The following TUSC3 variants were observed in gnomAD, a reference collection of about 807,000 sequenced individuals.
TUSC3 encodes the protein dolichyl-diphosphooligosaccharide--protein glycosyltransferase subunit TUSC3.
In TUSC3, 45 loss-of-function variants were observed where a neutral mutation model predicts 44.8. That is an observed-to-expected ratio of 1.00 (90% CI 0.79 to 1.29). The LOEUF is 1.29. TUSC3 is among the 50% of genes most tolerant of loss of function. The pLI, the probability that TUSC3 is intolerant of heterozygous loss-of-function variation, is 0.00. For missense variants in TUSC3, 519 were observed against 437.9 expected, an observed-to-expected ratio of 1.19 and a Z score of -1.65; for synonymous variants, 212 against 152.9, an observed-to-expected ratio of 1.39 and a Z score of -2.85.
chr8:15,759,835 TATC>T (rs1411318017), intron 10 of TUSC3, among the ~76,000 whole-genome samples: 1 of 152,166 alleles, frequency 6.6e-6, no homozygotes, highest in Admixed American at 6.6e-5. Context: ...AAAAAATCAT[TATC>T]ATCTGCCTCC....
At chr8:15,696,818 G>A (rs1252954152) in intron 6 of TUSC3, among the ~76,000 whole-genome samples, 1 of 152,176 alleles carries the variant, frequency 6.6e-6, no homozygotes, top group Non-Finnish European at 1.5e-5. Flanking sequence ...GAATGATTTA[G>A]GGAGGGTTCC....
chr8:15,487,418 C>T (rs926689963), intron 2 of TUSC3, among the ~76,000 whole-genome samples: 2 of 152,104 alleles, frequency 1.3e-5, no homozygotes, highest in African/African-American at 4.8e-5. Context: ...TTCTAGCATC[C>T]AATTCCGTAG....
intron 2 of TUSC3, among the ~76,000 whole-genome samples, chr8:15,495,866 G>C (rs1415425040): frequency 6.6e-6 from 1 of 152,122 alleles, no homozygotes; most frequent in African/African-American, 2.4e-5. Flanking sequence ...AAATGGAGTA[G>C]TATCCTTGTT....
chr8:15,812,761 A>C, the TUSC3 span, among the ~76,000 whole-genome samples: 1 of 152,048 alleles, frequency 6.6e-6, no homozygotes, highest in Non-Finnish European at 1.5e-5. Context: ...CCAATAGCTC[A>C]CGGAATGTAA....
intron 1 of TUSC3, among the ~76,000 whole-genome samples, chr8:15,590,594 G>A (rs779128406): frequency 2.6e-5 from 4 of 151,848 alleles, no homozygotes; most frequent in Non-Finnish European, 4.4e-5. Context: ...CTGCCATGTT[G>A]CTCTATGTGG....
At chr8:15,590,102 AATTGT>A (rs1410422443) in intron 1 of TUSC3, among the ~76,000 whole-genome samples, 3 of 152,182 alleles carry the variant, frequency 2.0e-5, no homozygotes, top group African/African-American at 4.8e-5. Flanking sequence ...GGAGGTCACA[AATTGT>A]ATTGTAACAG....
intron 1 of TUSC3, among the ~76,000 whole-genome samples, chr8:15,544,022 C>T (rs562768140): frequency 3.5e-4 from 53 of 151,954 alleles, no homozygotes; most frequent in African/African-American, 1.2e-3. Context: ...TTGTTATATT[C>T]CCTGTTGGAG....
chr8:15,796,446 A>G, the TUSC3 span, among the ~76,000 whole-genome samples: 1 of 152,202 alleles, frequency 6.6e-6, no homozygotes, highest in Non-Finnish European at 1.5e-5. Flanking sequence ...AAAATGTAAC[A>G]AAGTTCACCA....
At chr8:15,750,395 T>A (rs1358251441) in intron 9 of TUSC3, among the ~76,000 whole-genome samples, 1 of 152,198 alleles carries the variant, frequency 6.6e-6, no homozygotes, top group African/African-American at 2.4e-5. Flanking sequence ...CTATCTAGAT[T>A]ATTATCTGAC....
chr8:15,660,416 C>T (rs979961955), intron 4 of TUSC3, among the ~76,000 whole-genome samples: 5 of 151,882 alleles, frequency 3.3e-5, no homozygotes, highest in Non-Finnish European at 5.9e-5. Context: ...TATAGATTGA[C>T]ATAGACAATT....
intron 6 of TUSC3, among the ~76,000 whole-genome samples, chr8:15,704,233 C>T (rs79251191): frequency 0.029 from 4,177 of 144,338 alleles, 109 homozygotes; most frequent in East Asian, 0.14. Flanking sequence ...GCAAAGGCCC[C>T]AAAATGGAAA....
the TUSC3 span, among the ~76,000 whole-genome samples, chr8:15,813,911 C>T: frequency 6.6e-6 from 1 of 152,216 alleles, no homozygotes; most frequent in Middle Eastern, 3.4e-3. Flanking sequence ...CATCTAGCTC[C>T]ACCGTTACTA....
At chr8:15,837,686 T>C in the TUSC3 span, among the ~76,000 whole-genome samples, 1 of 152,214 alleles carries the variant, frequency 6.6e-6, no homozygotes, top group African/African-American at 2.4e-5. Context: ...TCTCTGTCTT[T>C]GTTTAGTGTT....
the TUSC3 span, among the ~76,000 whole-genome samples, chr8:15,851,259 T>C: frequency 6.6e-6 from 1 of 152,244 alleles, no homozygotes; most frequent in Non-Finnish European, 1.5e-5. Flanking sequence ...CATTATTTAT[T>C]GAGCATCTTT....
chr8:15,844,669 G>C, the TUSC3 span, among the ~76,000 whole-genome samples: 5 of 152,100 alleles, frequency 3.3e-5, no homozygotes, highest in African/African-American at 1.2e-4. Context: ...GTAACCTCCA[G>C]TCACCTGCTG....
the TUSC3 span, among the ~76,000 whole-genome samples, chr8:15,796,105 G>A: frequency 2.0e-5 from 3 of 152,094 alleles, no homozygotes; most frequent in Admixed American, 2.0e-4. Flanking sequence ...CTTGCATGGT[G>A]GCCTCTGCAT....
intron 3 of TUSC3, 123 bp downstream of exon 3, chr8:15,650,937 C>T (rs577732229): frequency 3.2e-6 from 3 of 950,254 alleles, no homozygotes; most frequent in Non-Finnish European, 3.3e-6. Context: ...TTGCAGTGAG[C>T]CGAGATTGTG....
chr8:15,618,538 G>T (rs1328257637), intron 1 of TUSC3, among the ~76,000 whole-genome samples: 2 of 152,104 alleles, frequency 1.3e-5, no homozygotes, highest in Non-Finnish European at 2.9e-5. Context: ...CCACTGGGGG[G>T]TCTTCAGGTG....
At chr8:15,550,916 C>T (rs1293473007) in intron 1 of TUSC3, among the ~76,000 whole-genome samples, 2 of 151,714 alleles carry the variant, frequency 1.3e-5, no homozygotes, top group African/African-American at 4.8e-5. Context: ...GGGTGATCTG[C>T]CCGCCTCGGC....
Sources: allele counts gnomAD v4.1 joint callset (sites outside exome capture counted in the v4.1 genomes callset), GRCh38; gene constraint gnomAD v4.1.1; transcripts MANE v1.5; gene names NCBI Gene and HGNC (gene_info 2026-07-23, HGNC 2026-07-21).